ROS1: variants seen among roughly 807,000 people sequenced by gnomAD.
The protein encoded by ROS1 is proto-oncogene tyrosine-protein kinase ROS.
In ROS1, 263 loss-of-function variants were observed where a neutral mutation model predicts 273.5. The observed-to-expected ratio is 0.96, with a 90% CI of 0.87 to 1.06. The LOEUF (loss-of-function observed/expected upper bound fraction) is 1.06. Among genes scored for constraint, ROS1 ranks in the 50% least tolerant of loss-of-function variants. The pLI is 0.00. For missense variants in ROS1, 2,833 were observed against 2,751.1 expected (o/e 1.03, Z -0.67); for synonymous variants, 1,008 against 954.1 (o/e 1.06, Z -1.04).
chr6:117,414,667 A>G lies in ROS1; in HGVS notation c.229-122T>C. ...CCCACCATTGATAAACAACCAAAAAAACAACAGAAACAAGGGAGCCCAGAG... is the reference window on the plus strand; with the variant it reads ...CCCACCATTGATAAACAACCAAAAAGACAACAGAAACAAGGGAGCCCAGAG... On this transcript the variant is annotated intron_variant, in intron 3 of 43. Transcript: ENST00000368507. 2 of 563,316 alleles carry G rather than the reference A, an allele frequency of 3.6e-6. 1 individual carries two copies. Among genetic ancestry groups the G allele is most frequent in the South Asian group, 5.0e-5 (2 of 40,246 alleles). 34.9% of individuals were successfully genotyped at this position (563,316 alleles called of 1,614,324 possible).
chr6:117,415,762 T>C (rs1284876972), intron 3 of ROS1, among the ~76,000 whole-genome samples: 2 of 152,146 alleles, frequency 1.3e-5, no homozygotes, highest in East Asian at 3.8e-4. Flanking sequence ...ATTTCCTGCA[T>C]AGAAACTTTG....
chr6:117,297,878 C>A (rs531235059), intron 43 of ROS1, among the ~76,000 whole-genome samples: 9 of 152,160 alleles, frequency 5.9e-5, no homozygotes, highest in African/African-American at 1.9e-4. Context: ...AGGTATCTAT[C>A]CAAAGGAAAA....
At chr6:117,297,125 A>G (rs559717569) in intron 43 of ROS1, among the ~76,000 whole-genome samples, 1 of 152,242 alleles carries the variant, frequency 6.6e-6, no homozygotes, top group East Asian at 1.9e-4. Context: ...TGGGGAGAAA[A>G]ACACCCCTTT....
chr6:117,388,080 C>T, intron 13 of ROS1, 88 bp from the exon 14 acceptor site: 4 of 1,585,602 alleles, frequency 2.5e-6, no homozygotes, highest in Non-Finnish European at 3.4e-6. Context: ...CCTACAGCCT[C>T]ATCTCAAATG....
chr6:117,295,770 C>A (rs1577200), intron 43 of ROS1, among the ~76,000 whole-genome samples: 43,570 of 152,080 alleles, frequency 0.29, 7,793 homozygotes, highest in African/African-American at 0.5. Context: ...CACAGAAATG[C>A]AAACCAAAAC....
intron 30 of ROS1, 28 bp from the exon 31 acceptor site, chr6:117,341,339 A>AC: frequency 6.2e-7 from 1 of 1,612,524 alleles, no homozygotes; most frequent in South Asian, 1.1e-5. Context: ...CAATTGCTTA[A>AC]CCTTTTGAGA....
chr6:117,379,214 T>C (rs941758840), intron 17 of ROS1, 55 bp from the exon 18 acceptor site: 1 of 1,058,828 alleles, frequency 9.4e-7, no homozygotes, highest in African/African-American at 1.6e-5. Context: ...AAGCATAACT[T>C]TGTGAACAGG....
At chr6:117,371,707 T>TA (rs1170301778) in intron 18 of ROS1, among the ~76,000 whole-genome samples, 2 of 152,204 alleles carry the variant, frequency 1.3e-5, no homozygotes, top group African/African-American at 4.8e-5. Context: ...TTCTTAGTCC[T>TA]ACTCACTGGC....
intron 21 of ROS1, 87 bp from the exon 22 acceptor site, chr6:117,362,952 A>G: frequency 5.3e-6 from 6 of 1,124,930 alleles, no homozygotes; most frequent in Non-Finnish European, 7.4e-6. Flanking sequence ...AAGATTGTAA[A>G]CAACTTAACA....
chr6:117,358,980 C>T (rs1309987051), intron 24 of ROS1, among the ~76,000 whole-genome samples: 1 of 152,158 alleles, frequency 6.6e-6, no homozygotes, highest in African/African-American at 2.4e-5. Flanking sequence ...TCTTTACTGG[C>T]TTGCTGTTGG....
chr6:117,414,549 CA>C lies in ROS1; in HGVS notation c.229-5del, dbSNP rs762325885. 4 of 712,642 alleles carry C rather than the reference CA, an allele frequency of 5.6e-6. No individual in the cohort carries two copies. In the African/African-American group the frequency reaches 7.5e-5, roughly 13 times the overall value. The allele number at this position is 712,642 out of a possible 1,614,324, so 44.1% of individuals were successfully genotyped here. On this transcript the variant is annotated splice_region_variant and splice_polypyrimidine_tract_variant and intron_variant, in intron 3 of 43. Coordinates refer to ENST00000368507, the MANE Select transcript of ROS1 (RefSeq NM_001378902.1). ...AAACGGTGGCATAAGTATCATTCTG[CA>C]TAGAAAAAAAAAAAGACTACTTAAA...
chr6:117,365,639 G>T lies in ROS1; in HGVS notation c.2900C>A (p.Pro967His), dbSNP rs761029946. 6.2e-7 allele frequency: 1 copy of T among 1,612,712 alleles called. No homozygotes were observed. Among genetic ancestry groups the T allele is most frequent in the Middle Eastern group, 1.7e-4 (1 of 6,058 alleles). ...ASSFQILWNG[P>H]PAVDWGVVFY... ...AACTACACCCCAGTCTACCGCAGGG[G>T]GACCATTCCACAGGATTTGAAAACT... Residue 967 changes from proline (P) to histidine (H), a missense_variant, in exon 20 of 44, where the codon CCC (proline) becomes CAC (histidine). By Grantham distance (77) the Pro-to-His change is moderately conservative (BLOSUM62 -2). Coordinates refer to ENST00000368507, the MANE Select transcript of ROS1 (RefSeq NM_001378902.1).
At chr6:117,416,931 T>C (rs572704509) in intron 2 of ROS1, among the ~76,000 whole-genome samples, 1 of 152,226 alleles carries the variant, frequency 6.6e-6, no homozygotes, top group Non-Finnish European at 1.5e-5. Flanking sequence ...GCACCTGGAT[T>C]CCTTTTTCTT....
At position 117,366,115 on chromosome 6, in the gene ROS1, G is replaced by A; in HGVS notation, c.2758C>T (p.Gln920Ter). ...VSVLEPARFN[Q>*]FTIIQTSLKP... ...AGGGATGTCTGAATAATTGTGAACTGATTAAATCTGGCTGGTTCCAAAACA... is the reference window on the plus strand; with the variant it reads ...AGGGATGTCTGAATAATTGTGAACTAATTAAATCTGGCTGGTTCCAAAACA... The change falls in exon 19 of 44, where the codon CAG (glutamine) becomes TAG (stop). Residue 920 changes from glutamine to a stop codon, truncating the protein, a stop_gained. Coordinates refer to ENST00000368507, the MANE Select transcript of ROS1 (RefSeq NM_001378902.1). LOFTEE classifies it high-confidence loss of function. 6.2e-7 allele frequency: 1 copy of A among 1,614,144 alleles called. No individual in the cohort carries two copies. Among genetic ancestry groups the A allele is most frequent in the Non-Finnish European group, 8.5e-7 (1 of 1,179,980 alleles).
chr6:117,322,057 T>C (rs1222286491), intron 35 of ROS1, among the ~76,000 whole-genome samples: 3 of 152,092 alleles, frequency 2.0e-5, no homozygotes, highest in Admixed American at 6.6e-5. Context: ...ATTATGTCAA[T>C]AGGATTGTCA....
In ROS1 at chr6:117,342,419, C is replaced by A. The variant is rs2128623789; in HGVS notation, c.4632G>T (p.Trp1544Cys). The A allele has an allele frequency of 6.2e-7, 1 of 1,612,048 alleles. No homozygotes were observed. Residue 1544 changes from tryptophan to cysteine, a missense_variant, in exon 29 of 44, where the codon TGG becomes TGT. Trp to Cys is a radical substitution (Grantham distance 215). Transcript: ENST00000368507. ...LEHLPPGKEI[W>C]GKTKNGVPEA... Reference sequence around the variant, plus strand: ...ACTTACCTCCATTTTTAGTTTTTCCCCAAATCTCTTTTCCTGGTGGTAAAT... The same window carrying A: ...ACTTACCTCCATTTTTAGTTTTTCCACAAATCTCTTTTCCTGGTGGTAAAT...
chr6:117,383,609 A>T (rs1279666897), intron 16 of ROS1, 101 bp from the exon 17 acceptor site: 1 of 929,290 alleles, frequency 1.1e-6, no homozygotes, highest in Non-Finnish European at 1.7e-6. Flanking sequence ...TTAATCATTC[A>T]TTCATTCAAC....
chr6:117,409,519 A>T, intron 5 of ROS1, 63 bp downstream of exon 5: 2 of 1,141,456 alleles, frequency 1.8e-6, no homozygotes, highest in Non-Finnish European at 1.3e-6. Flanking sequence ...CGTTATCTTT[A>T]CATAAGTACA....
intron 28 of ROS1, 68 bp from the exon 29 acceptor site, chr6:117,342,612 T>A: frequency 2.8e-6 from 3 of 1,063,110 alleles, no homozygotes; most frequent in Non-Finnish European, 4.0e-6. Context: ...AGAAATTATT[T>A]AATCAAAGAG....
Sources: allele counts gnomAD v4.1 joint callset (sites outside exome capture counted in the v4.1 genomes callset), GRCh38; gene constraint gnomAD v4.1.1; transcripts MANE v1.5; gene names NCBI Gene and HGNC (gene_info 2026-07-23, HGNC 2026-07-21).